The following SPECC1 variants were observed in gnomAD, a reference collection of about 807,000 sequenced individuals.
SPECC1 encodes the protein sperm antigen with calponin homology and coiled-coil domains 1.
Under a neutral mutation model 104.1 loss-of-function variants are expected in SPECC1, and 62 were observed. The observed-to-expected ratio is 0.60, with a 90% CI of 0.49 to 0.74. The LOEUF (loss-of-function observed/expected upper bound fraction) is 0.74, where lower values mean the gene tolerates loss of function less well. Ranked by LOEUF, SPECC1 falls within the 30% of genes least tolerant of loss-of-function variation. The pLI is 0.00. For missense variants in SPECC1, 1,306 were observed against 1,310.5 expected (o/e 1.00, Z 0.05); for synonymous variants, 513 against 501.6 (o/e 1.02, Z -0.30).
intron 1 of SPECC1, among the ~76,000 whole-genome samples, chr17:20,085,399 G>A (rs2047138831): frequency 6.6e-6 from 1 of 152,184 alleles, no homozygotes; most frequent in East Asian, 1.9e-4. Flanking sequence ...TGTCCCTCAC[G>A]CTGGAAACAG....
At chr17:20,147,227 A>G (rs1268332689) in intron 3 of SPECC1, among the ~76,000 whole-genome samples, 1 of 151,792 alleles carries the variant, frequency 6.6e-6, no homozygotes, top group African/African-American at 2.4e-5. Context: ...ATGCACCACC[A>G]TGCCCGGCTA....
At chr17:20,277,062 G>A (rs141493142) in intron 12 of SPECC1, among the ~76,000 whole-genome samples, 84 of 152,332 alleles carry the variant, frequency 5.5e-4, no homozygotes, top group African/African-American at 1.9e-3. Flanking sequence ...AGTCGGGCTC[G>A]GATAGCAGCC....
chr17:20,113,600 T>G (rs1483674146), intron 3 of SPECC1, among the ~76,000 whole-genome samples: 1 of 152,204 alleles, frequency 6.6e-6, no homozygotes, highest in Non-Finnish European at 1.5e-5. Flanking sequence ...TAAATTACAG[T>G]AATATCCAGT....
At chr17:20,134,249 C>T (rs1482585961) in intron 3 of SPECC1, among the ~76,000 whole-genome samples, 2 of 151,846 alleles carry the variant, frequency 1.3e-5, no homozygotes, top group Non-Finnish European at 2.9e-5. Context: ...TAACCATCAT[C>T]TCTGGTAGTA....
At chr17:20,055,647 C>G (rs748139240) in intron 1 of SPECC1, among the ~76,000 whole-genome samples, 2 of 152,220 alleles carry the variant, frequency 1.3e-5, no homozygotes, top group African/African-American at 4.8e-5. Context: ...CTTTACCTCT[C>G]TATACATGAT....
intron 1 of SPECC1, among the ~76,000 whole-genome samples, chr17:20,069,830 A>G (rs893461789): frequency 6.6e-6 from 1 of 152,038 alleles, no homozygotes; most frequent in Admixed American, 6.5e-5. Context: ...ATTAACATTT[A>G]TAAATATTTT....
intron 7 of SPECC1, chr17:20,238,495 G>C (rs1330197119): frequency 9.6e-7 from 1 of 1,041,936 alleles, no homozygotes; most frequent in African/African-American, 1.7e-5. Context: ...CAAGACAAAA[G>C]TTACTGTCTA....
intron 3 of SPECC1, among the ~76,000 whole-genome samples, chr17:20,189,026 T>G (rs1407824463): frequency 6.6e-6 from 1 of 152,176 alleles, no homozygotes; most frequent in African/African-American, 2.4e-5. Context: ...ACCTGAGCCA[T>G]AACTGTAGGA....
chr17:20,225,381 T>C (rs2038138309), intron 4 of SPECC1, among the ~76,000 whole-genome samples: 1 of 152,196 alleles, frequency 6.6e-6, no homozygotes, highest in Non-Finnish European at 1.5e-5. Flanking sequence ...CAGATTTACT[T>C]AGGACTCCAA....
In SPECC1 at chr17:20,224,048, C is replaced by T. The variant is rs867911984; in HGVS notation, c.1864-3365C>T. Reference sequence around the variant, plus strand: ...AGCCTTTGGTCACTGCAGCTGTGTCCGCATTAGGGGGCACCACAAGCCCAG... The same window carrying T: ...AGCCTTTGGTCACTGCAGCTGTGTCTGCATTAGGGGGCACCACAAGCCCAG... On this transcript the variant is annotated intron_variant, in intron 4 of 14. Coordinates refer to ENST00000395527, the MANE Select transcript of SPECC1 (RefSeq NM_001243439.2). Among the ~76,000 whole-genome samples, 12 of 152,240 alleles carry T rather than the reference C, an allele frequency of 7.9e-5. No individual in the cohort carries two copies. In the Middle Eastern group the frequency reaches 0.017, roughly 216 times the overall value.
At chr17:20,199,798 T>A (rs2036293009) in intron 3 of SPECC1, among the ~76,000 whole-genome samples, 1 of 152,068 alleles carries the variant, frequency 6.6e-6, no homozygotes. Flanking sequence ...CTTATTTTAT[T>A]TTATTTTTTG....
At chr17:20,217,659 G>T (rs894654449) in intron 4 of SPECC1, among the ~76,000 whole-genome samples, 6 of 152,166 alleles carry the variant, frequency 3.9e-5, no homozygotes, top group Non-Finnish European at 7.3e-5. Context: ...TCTGCCCCAG[G>T]ATGCAAGACT....
intron 3 of SPECC1, among the ~76,000 whole-genome samples, chr17:20,185,814 G>T (rs1262274765): frequency 6.6e-6 from 1 of 152,130 alleles, no homozygotes; most frequent in Non-Finnish European, 1.5e-5. Flanking sequence ...GAGTCTTCAA[G>T]TGTGGTGTCC....
chr17:20,273,961 C>T (rs932266416), intron 12 of SPECC1, among the ~76,000 whole-genome samples: 4 of 152,114 alleles, frequency 2.6e-5, no homozygotes, highest in South Asian at 4.1e-4. Context: ...TGAATGCATG[C>T]GTTTCATTGC....
intron 1 of SPECC1, among the ~76,000 whole-genome samples, chr17:20,091,022 A>C (rs1394857942): frequency 6.6e-6 from 1 of 152,104 alleles, no homozygotes; most frequent in Non-Finnish European, 1.5e-5. Flanking sequence ...GTTTGTTTTC[A>C]GGTTTGAGGT....
intron 14 of SPECC1, among the ~76,000 whole-genome samples, chr17:20,308,389 CAAAAAAAA>C (rs3072413): frequency 4.5e-5 from 3 of 66,606 alleles, no homozygotes; most frequent in East Asian, 1.1e-3. Flanking sequence ...AACTCCATCT[CAAAAAAAA>C]AAAAAAAAAA....
At chr17:20,279,414 CT>C (rs2040689015) in intron 12 of SPECC1, among the ~76,000 whole-genome samples, 1 of 151,334 alleles carries the variant, frequency 6.6e-6, no homozygotes, top group Non-Finnish European at 1.5e-5. Context: ...CCTCTGCCCC[CT>C]GGGTTCAAGC....
At chr17:20,255,491 G>C (rs1298755372) in intron 10 of SPECC1, among the ~76,000 whole-genome samples, 1 of 152,232 alleles carries the variant, frequency 6.6e-6, no homozygotes, top group Admixed American at 6.5e-5. Context: ...AGTGAACTAG[G>C]TAAGCCTTTG....
chr17:20,256,004 A>T (rs891108077), intron 10 of SPECC1, among the ~76,000 whole-genome samples: 3 of 151,900 alleles, frequency 2.0e-5, no homozygotes, highest in Non-Finnish European at 4.4e-5. Flanking sequence ...CAGCCTCCCG[A>T]GTAGCTGGGA....
Sources: allele counts gnomAD v4.1 joint callset (sites outside exome capture counted in the v4.1 genomes callset), GRCh38; gene constraint gnomAD v4.1.1; transcripts MANE v1.5; gene names NCBI Gene and HGNC (gene_info 2026-07-23, HGNC 2026-07-21).